The following CLSTN2 variants were observed in gnomAD, a reference collection of about 807,000 sequenced individuals.
CLSTN2 encodes calsyntenin 2.
A neutral mutation model predicts 101.2 loss-of-function variants in CLSTN2; 48 were observed. The observed-to-expected ratio is 0.47, with a 90% CI of 0.38 to 0.60. CLSTN2 has a LOEUF of 0.60. CLSTN2 is among the 20% of genes least tolerant of loss of function. CLSTN2 has a pLI of 0.00. For missense variants in CLSTN2, 1,160 were observed against 1,238.2 expected, an observed-to-expected ratio of 0.94 and a Z score of 0.95; for synonymous variants, 481 against 463.6, an observed-to-expected ratio of 1.04 and a Z score of -0.48.
intron 2 of CLSTN2, among the ~76,000 whole-genome samples, chr3:140,201,875 A>G (rs1021307392): frequency 3.0e-4 from 46 of 151,920 alleles, no homozygotes; most frequent in African/African-American, 8.5e-4. Flanking sequence ...CAAAATGAGG[A>G]AAAAAAACCT....
At chr3:140,103,365 C>G (rs987550541) in intron 1 of CLSTN2, among the ~76,000 whole-genome samples, 5 of 152,216 alleles carry the variant, frequency 3.3e-5, no homozygotes, top group African/African-American at 9.6e-5. Flanking sequence ...GAAGAGGCAG[C>G]TACCCCCTCC....
At chr3:140,134,411 T>C (rs2009568119) in intron 1 of CLSTN2, among the ~76,000 whole-genome samples, 1 of 152,082 alleles carries the variant, frequency 6.6e-6, no homozygotes. Context: ...TCTCTACACA[T>C]TAGGACTAAT....
intron 1 of CLSTN2, among the ~76,000 whole-genome samples, chr3:140,167,388 A>G (rs2010150826): frequency 6.6e-6 from 1 of 152,158 alleles, no homozygotes; most frequent in Non-Finnish European, 1.5e-5. Context: ...TACTTTCTCC[A>G]GGAAGTAATC....
intron 2 of CLSTN2, among the ~76,000 whole-genome samples, chr3:140,290,458 T>G (rs2086937052): frequency 6.6e-6 from 1 of 152,066 alleles, no homozygotes; most frequent in Non-Finnish European, 1.5e-5. Flanking sequence ...GCATGCCTCT[T>G]AGATGGGGTG....
intron 1 of CLSTN2, among the ~76,000 whole-genome samples, chr3:140,098,972 C>T (rs1041293969): frequency 7.2e-5 from 11 of 152,260 alleles, no homozygotes; most frequent in Non-Finnish European, 1.3e-4. Flanking sequence ...AGATCACACA[C>T]GGACATGGGA....
At chr3:140,294,373 C>G (rs1035790763) in intron 2 of CLSTN2, among the ~76,000 whole-genome samples, 1 of 152,176 alleles carries the variant, frequency 6.6e-6, no homozygotes, top group Non-Finnish European at 1.5e-5. Context: ...ACTCATGCTA[C>G]ATGCCTACAC....
At chr3:140,176,521 A>G (rs1478628354) in intron 2 of CLSTN2, among the ~76,000 whole-genome samples, 1 of 152,258 alleles carries the variant, frequency 6.6e-6, no homozygotes, top group Non-Finnish European at 1.5e-5. Context: ...AGAGTGGCAC[A>G]GGGTCTTGTC....
chr3:140,416,254 T>A (rs2088430587), intron 4 of CLSTN2, among the ~76,000 whole-genome samples: 1 of 152,140 alleles, frequency 6.6e-6, no homozygotes, highest in Non-Finnish European at 1.5e-5. Flanking sequence ...TAAACTTTAG[T>A]TATTAATATA....
chr3:140,239,688 C>T (rs2086443657), intron 2 of CLSTN2, among the ~76,000 whole-genome samples: 1 of 152,058 alleles, frequency 6.6e-6, no homozygotes, highest in African/African-American at 2.4e-5. Context: ...ATTTTTGTGT[C>T]CAGGACTTTC....
chr3:140,126,274 G>C (rs577481058), intron 1 of CLSTN2, among the ~76,000 whole-genome samples: 1 of 152,178 alleles, frequency 6.6e-6, no homozygotes, highest in East Asian at 1.9e-4. Flanking sequence ...ATGGCATGGT[G>C]GGGGTGGCTT....
At chr3:140,436,585 A>C (rs1181200492) in intron 5 of CLSTN2, among the ~76,000 whole-genome samples, 1 of 152,230 alleles carries the variant, frequency 6.6e-6, no homozygotes, top group Non-Finnish European at 1.5e-5. Flanking sequence ...GATCCCAGCC[A>C]GTCTGGGCCC....
chr3:140,155,151 G>T (rs534430833), intron 1 of CLSTN2, among the ~76,000 whole-genome samples: 2 of 152,280 alleles, frequency 1.3e-5, no homozygotes, highest in South Asian at 4.1e-4. Context: ...TGGCAGCTCC[G>T]TGGAAAGGGA....
intron 9 of CLSTN2, among the ~76,000 whole-genome samples, chr3:140,533,710 C>CAAAAAA (rs71627883): frequency 3.9e-4 from 23 of 58,736 alleles, no homozygotes; most frequent in African/African-American, 4.7e-4. Context: ...GACTCCATCT[C>CAAAAAA]AAAAAAAAAA....
chr3:140,573,362 T>A lies in CLSTN2; in HGVS notation c.*7109T>A, dbSNP rs1275867330. 2.6e-5 allele frequency: 4 copies of A among 152,268 alleles called. No homozygotes were observed. The highest frequency in any genetic ancestry group is 4.4e-5 in the Non-Finnish European group (3 of 68,048). 9.4% of individuals were successfully genotyped at this position (152,268 alleles called of 1,614,324 possible). ...TCCTTGGAAGGGCAGTAACTCATTC[T>A]GGATGTTACTAAAAGTAGAAAACAA... On this transcript the variant is annotated 3_prime_UTR_variant, in exon 17 of 17. Transcript: ENST00000458420.
chr3:140,365,265 G>A (rs1186625894), intron 2 of CLSTN2, among the ~76,000 whole-genome samples: 1 of 152,100 alleles, frequency 6.6e-6, no homozygotes, highest in African/African-American at 2.4e-5. Context: ...ATAGGTGGAA[G>A]CCACAGAGTG....
intron 2 of CLSTN2, among the ~76,000 whole-genome samples, chr3:140,395,576 T>C (rs560162416): frequency 6.6e-6 from 1 of 152,342 alleles, no homozygotes; most frequent in African/African-American, 2.4e-5. Flanking sequence ...CGTAACATCC[T>C]GCAAATGTTT....
At chr3:140,223,778 C>A (rs1215302587) in intron 2 of CLSTN2, among the ~76,000 whole-genome samples, 1 of 152,170 alleles carries the variant, frequency 6.6e-6, no homozygotes, top group Non-Finnish European at 1.5e-5. Flanking sequence ...TGGTCCCCAC[C>A]CTGCAACATG....
At chr3:139,977,726 A>T (rs1002502067) in intron 1 of CLSTN2, among the ~76,000 whole-genome samples, 8 of 152,088 alleles carry the variant, frequency 5.3e-5, no homozygotes, top group African/African-American at 1.9e-4. Context: ...GGCAGTGGGC[A>T]AAGCCCTGAA....
rs546696189 is a variant in CLSTN2 at position 140,385,357 on chromosome 3, CTTTTTTTTTT to C, written c.233-18254_233-18245del. 8.2e-5 allele frequency among the ~76,000 whole-genome samples: 6 copies of C among 72,834 alleles called. No individual in the cohort carries two copies. In the East Asian group the frequency reaches 1.8e-3, roughly 22 times the overall value. 47.8% of individuals were successfully genotyped at this position (72,834 alleles called of 152,430 possible). A position where few individuals can be genotyped will look rare whatever the true frequency, so the allele number is the denominator to read the frequency against. On this transcript the variant is annotated intron_variant, in intron 2 of 16. Transcript: ENST00000458420. ...CATTGCCAGTTGGGTCCCTGATGTT[CTTTTTTTTTT>C]TTTTTTTTTTTTTTTTTATCTGAGA... is the stretch of plus-strand genomic sequence containing the variant.
Sources: allele counts gnomAD v4.1 joint callset (sites outside exome capture counted in the v4.1 genomes callset), GRCh38; gene constraint gnomAD v4.1.1; transcripts MANE v1.5; gene names NCBI Gene and HGNC (gene_info 2026-07-23, HGNC 2026-07-21).